TNRC6C: variants seen among roughly 807,000 people sequenced by gnomAD.
TNRC6C encodes the protein trinucleotide repeat-containing gene 6C protein.
Under a neutral mutation model 153.7 loss-of-function variants are expected in TNRC6C, and 20 were observed. That is an observed-to-expected ratio of 0.13 (90% confidence interval 0.09 to 0.19). The LOEUF (loss-of-function observed/expected upper bound fraction) is 0.19, where lower values mean the gene tolerates loss of function less well. TNRC6C is among the 10% of genes least tolerant of loss of function. TNRC6C has a pLI of 1.00. For synonymous variants in TNRC6C, 811 were observed against 841.4 expected (o/e 0.96, Z 0.63); for missense variants, 1,987 against 2,172.0 (o/e 0.91, Z 1.69).
chr17:78,080,135 G>A lies in TNRC6C; in HGVS notation c.3357+594G>A, dbSNP rs533941414. 4.2e-4 allele frequency among the ~76,000 whole-genome samples: 64 copies of A among 152,250 alleles called. 1 individual carries two copies. The South Asian group carries it at 0.013, about 32-fold the overall frequency. ...CTTTCTTTCATCCCTTTTCAGGAGT[G>A]AACCATAGAGATTGTTAAGAAAAAA... On this transcript the variant is annotated intron_variant, in intron 10 of 19. Coordinates refer to ENST00000301624, the Ensembl canonical transcript of TNRC6C.
chr17:78,103,538 A>G (rs1436971734), exon 19 of TNRC6C: 1 of 1,613,994 alleles, frequency 6.2e-7, no homozygotes, highest in South Asian at 1.1e-5. Flanking sequence ...GCCAAGGCCC[A>G]GAAGTCTCTG....
At chr17:78,098,724 T>C (rs1251260522) in intron 17 of TNRC6C, among the ~76,000 whole-genome samples, 187 bp downstream of exon 20, 1 of 152,182 alleles carries the variant, frequency 6.6e-6, no homozygotes, top group African/African-American at 2.4e-5. Flanking sequence ...CTGGTGTTTT[T>C]AGCATCAGCC....
chr17:78,031,389 A>C (rs2072070746), intron 1 of TNRC6C, 127 bp from the exon 4 acceptor site: 1 of 648,048 alleles, frequency 1.5e-6, no homozygotes, highest in Non-Finnish European at 2.2e-6. Context: ...ACTTTAGTCC[A>C]GTTCTGTTTC....
Position 77,960,777 on chromosome 17 carries a change from T to C in TNRC6C, c.-38+1509T>C, listed in dbSNP as rs1207492688. ...ACTGTAGCACCCCTAGGATGCTTTG[T>C]TGGGGGAAATAATGCAAAACAGGGT... On this transcript the variant is annotated intron_variant, in intron 1 of 22. Coordinates refer to the TNRC6C transcript ENST00000636222. 2.0e-5 allele frequency among the ~76,000 whole-genome samples: 3 copies of C among 152,182 alleles called. No homozygotes were observed. The East Asian group carries it at 5.8e-4, about 29-fold the overall frequency.
chr17:78,107,926 C>T (rs2073731830), exon 20 of TNRC6C: 1 of 152,202 alleles, frequency 6.6e-6, no homozygotes, highest in African/African-American at 2.4e-5. Context: ...AAATCACCTT[C>T]GCTAACTTTC....
rs543613595 is a variant in TNRC6C at position 77,964,836 on chromosome 17, G to A, written c.-38+5568G>A. On this transcript the variant is annotated intron_variant, in intron 1 of 22. Transcript: ENST00000636222. ...CAGAGTGAGGGGCCCAGAGTGTAGG[G>A]AGGGAATTTAATAGGCTTTGTTCTT... Among the ~76,000 whole-genome samples, 4 of 152,290 alleles carry A rather than the reference G, an allele frequency of 2.6e-5. No individual in the cohort carries two copies. In the South Asian group the frequency reaches 8.3e-4, roughly 32 times the overall value.
In TNRC6C at chr17:78,049,721, CCCA is replaced by C. The variant is rs2072482444; in HGVS notation, c.662_664del (p.His221del). On this transcript the variant is annotated inframe_deletion, in exon 3 of 20. Transcript: ENST00000301624. This position sits in a 1 kb window ranked among gnomAD's most constrained non-coding sequence, Gnocchi z 4.1. Reference sequence around the variant, plus strand: ...GTTGGTATGGGGGCCATCATCCCGCCCCACCTGCAAGGCCTTCCTGGTGCTAAT... The same window carrying C: ...GTTGGTATGGGGGCCATCATCCCGCCCCTGCAAGGCCTTCCTGGTGCTAAT... 6.3e-7 allele frequency: 1 copy of C among 1,597,480 alleles called. No homozygotes were observed.
Position 78,103,597 on chromosome 17 carries a change from A to G in TNRC6C, c.4712+44A>G, listed in dbSNP as rs562827863. The G allele has an allele frequency of 1.9e-6, 3 of 1,611,722 alleles. No individual in the cohort carries two copies. In the African/African-American group the frequency reaches 4.0e-5, roughly 21 times the overall value. On this transcript the variant is annotated intron_variant, in intron 19 of 19. Transcript: ENST00000301624. Reference sequence around the variant, plus strand: ...ACCTCAGCGCTCCAAGTAGCTCCCCATCCCCCAGAGCATTAGGTTAGGGGT... The same window carrying G: ...ACCTCAGCGCTCCAAGTAGCTCCCCGTCCCCCAGAGCATTAGGTTAGGGGT...
intron 1 of TNRC6C, among the ~76,000 whole-genome samples, chr17:78,026,192 T>G (rs1338891801): frequency 6.6e-6 from 1 of 152,218 alleles, no homozygotes; most frequent in African/African-American, 2.4e-5. Flanking sequence ...CAACATTTAT[T>G]TAGCACTCAC....
At chr17:77,995,583 A>G (rs899532888) in intron 1 of TNRC6C, among the ~76,000 whole-genome samples, 15 of 152,234 alleles carry the variant, frequency 9.9e-5, no homozygotes, top group African/African-American at 3.6e-4. Flanking sequence ...CATATTCCTA[A>G]GATTTCTTGC....
chr17:78,045,487 C>T (rs370339386), intron 2 of TNRC6C, among the ~76,000 whole-genome samples: 124 of 152,224 alleles, frequency 8.1e-4, no homozygotes, highest in African/African-American at 2.5e-3. Flanking sequence ...TCTGAGTAGG[C>T]GGCGTCATTG....
At chr17:78,052,649 C>T (rs557052790) in intron 3 of TNRC6C, among the ~76,000 whole-genome samples, 1 of 152,212 alleles carries the variant, frequency 6.6e-6, no homozygotes, top group East Asian at 1.9e-4. Flanking sequence ...CATAAGCGTT[C>T]AACAGGAGAA....
intron 4 of TNRC6C, among the ~76,000 whole-genome samples, chr17:78,065,667 ATTGCCCTGC>A (rs1006083553): frequency 2.0e-5 from 3 of 152,180 alleles, no homozygotes; most frequent in African/African-American, 7.2e-5. Flanking sequence ...ATCTTGCCGT[ATTGCCCTGC>A]TTTCATCTTG....
At chr17:78,050,608 G>T in exon 3 of TNRC6C, 2 of 1,580,354 alleles carry the variant, frequency 1.3e-6, no homozygotes, top group Non-Finnish European at 1.7e-6. Context: ...GCCACCTGCC[G>T]CTGTGCCAGC....
intron 17 of TNRC6C, among the ~76,000 whole-genome samples, chr17:78,102,204 T>G (rs928238884): frequency 1.3e-5 from 2 of 152,108 alleles, no homozygotes; most frequent in Admixed American, 1.3e-4. Flanking sequence ...CCGTCTCTCC[T>G]GGCACAGATG....
intron 8 of TNRC6C, among the ~76,000 whole-genome samples, chr17:78,076,907 C>T (rs2073095179): frequency 6.6e-6 from 1 of 152,220 alleles, no homozygotes; most frequent in African/African-American, 2.4e-5. Flanking sequence ...CATCCTTCCT[C>T]CGTGCTCCTA....
intron 9 of TNRC6C, among the ~76,000 whole-genome samples, chr17:78,078,206 G>C (rs1360452911): frequency 1.3e-5 from 2 of 152,164 alleles, no homozygotes; most frequent in African/African-American, 4.8e-5. Context: ...CCATTGTTCT[G>C]CCAGCTTCAA....
rs60867452 is a variant in TNRC6C at position 78,079,039 on chromosome 17, T to C, written c.3211-356T>C. Reference sequence around the variant, plus strand: ...CCCAGGGGTAGAGGTTGCAGTGAGCTGAGATCGCACTACTGCATTCCAGCC... The same window carrying C: ...CCCAGGGGTAGAGGTTGCAGTGAGCCGAGATCGCACTACTGCATTCCAGCC... On this transcript the variant is annotated intron_variant, in intron 9 of 19. Coordinates refer to ENST00000301624, the Ensembl canonical transcript of TNRC6C. The surrounding 1 kb of genome is among the most constrained non-coding windows in gnomAD (Gnocchi z 4.3). Among the ~76,000 whole-genome samples the C allele has an allele frequency of 0.13, 19,666 of 151,390 alleles. 1,531 individuals carry two copies. The highest frequency in any genetic ancestry group is 0.2 in the African/African-American group (8,141 of 41,152).
intron 15 of TNRC6C, 106 bp downstream of exon 17, chr17:78,093,230 G>A (rs982243285): frequency 8.0e-5 from 100 of 1,255,324 alleles, no homozygotes; most frequent in Non-Finnish European, 9.0e-5. Flanking sequence ...CTAAGGATCT[G>A]GAAGCGTTAA....
Sources: gnomAD v4.1 joint callset for allele counts (sites outside exome capture counted in the v4.1 genomes callset) on GRCh38, gnomAD v4.1.1 for gene constraint, Gnocchi (gnomAD v3.1) non-coding constraint, MANE v1.5 for transcripts, NCBI Gene and HGNC (gene_info 2026-07-23, HGNC 2026-07-21) for gene names.